Variants in HYDIN observed in about 807,000 individuals in gnomAD.
The protein encoded by HYDIN is HYDIN axonemal central pair apparatus protein.
Under a neutral mutation model 403.9 loss-of-function variants are expected in HYDIN, and 132 were observed. The observed-to-expected ratio is 0.33, with a 90% CI of 0.28 to 0.38. The LOEUF (loss-of-function observed/expected upper bound fraction) is 0.38. Among genes scored for constraint, HYDIN ranks in the 10% least tolerant of loss-of-function variants. The pLI, the probability that HYDIN is intolerant of heterozygous loss-of-function variation, is 1.00. For missense variants in HYDIN, 2,827 were observed against 5,009.5 expected (o/e 0.56, Z 13.15); for synonymous variants, 1,202 against 1,891.7 (o/e 0.64, Z 9.46).
At chr16:71,170,987 T>G (rs959570105) in intron 5 of HYDIN, among the ~76,000 whole-genome samples, 1 of 152,168 alleles carries the variant, frequency 6.6e-6, no homozygotes, top group African/African-American at 2.4e-5. Context: ...AAAGAAAGCC[T>G]TCCATAATAA....
At chr16:71,118,439 T>C (rs2144479123) in intron 9 of HYDIN, among the ~76,000 whole-genome samples, 1 of 150,738 alleles carries the variant, frequency 6.6e-6, no homozygotes, top group South Asian at 2.1e-4. Context: ...TCATGGCTCT[T>C]AGTAGGTGCT....
chr16:70,847,933 T>C (rs1489520671), intron 75 of HYDIN, among the ~76,000 whole-genome samples: 1 of 150,084 alleles, frequency 6.7e-6, no homozygotes, highest in Non-Finnish European at 1.5e-5. Flanking sequence ...TGCTTGATAA[T>C]CTCTTATGGG....
At chr16:70,922,714 T>C (rs1377361644) in intron 45 of HYDIN, among the ~76,000 whole-genome samples, 1 of 151,256 alleles carries the variant, frequency 6.6e-6, no homozygotes, top group African/African-American at 2.4e-5. Flanking sequence ...ATGAAAACAC[T>C]GAATATCAAC....
chr16:70,892,551 T>C, intron 55 of HYDIN, 22 bp from the exon 56 acceptor site: 4 of 1,595,130 alleles, frequency 2.5e-6, no homozygotes, highest in Non-Finnish European at 3.4e-6. Flanking sequence ...GAATAAGAAG[T>C]CAGCCTAGGT....
At position 70,954,686 on chromosome 16, in the gene HYDIN, G is replaced by C. The variant is rs147970579; in HGVS notation, c.6316+689C>G. Among the ~76,000 whole-genome samples, 1,453 of 152,234 alleles carry C rather than the reference G, an allele frequency of 9.5e-3. 26 individuals carry two copies. The highest frequency in any genetic ancestry group is 0.033 in the African/African-American group (1,356 of 41,534). On this transcript the variant is annotated intron_variant, in intron 40 of 85. Transcript: ENST00000393567. The stretch of plus-strand genomic sequence containing the variant: ...GCTGGCTGTCGGGTTGGCCGGCCCA[G>C]GCCCATTTGTCTGCAGCTTCACTAT...
chr16:71,187,832 G>A (rs1365963584), intron 1 of HYDIN, among the ~76,000 whole-genome samples: 1 of 152,082 alleles, frequency 6.6e-6, no homozygotes, highest in Non-Finnish European at 1.5e-5. Context: ...AAGGAAAAAG[G>A]GGTCATTATG....
intron 10 of HYDIN, among the ~76,000 whole-genome samples, chr16:71,107,906 C>T (rs1395540050): frequency 3.9e-5 from 6 of 151,962 alleles, no homozygotes; most frequent in African/African-American, 4.8e-5. Context: ...ATAGCAAAGA[C>T]GGAATCAACT....
chr16:71,226,813 G>C (rs928851388), intron 1 of HYDIN, among the ~76,000 whole-genome samples: 5 of 152,146 alleles, frequency 3.3e-5, no homozygotes, highest in African/African-American at 1.2e-4. Context: ...CAGACAGTGA[G>C]AGACCAGATT....
rs2086396212 is a variant in HYDIN, at chr16:71,169,958, C to T, written c.516+5649G>A. 2.6e-5 allele frequency among the ~76,000 whole-genome samples: 4 copies of T among 152,090 alleles called. No individual in the cohort carries two copies. The South Asian group carries it at 8.3e-4, about 32-fold the overall frequency. ...AAATATATACAATTTTTGTCAATTA[C>T]AAATAATTATTTTTTTAAATTGTGG... is the stretch of plus-strand genomic sequence containing the variant. On this transcript the variant is annotated intron_variant, in intron 5 of 85. Coordinates refer to ENST00000393567, the MANE Select transcript of HYDIN (RefSeq NM_001270974.2).
At chr16:71,218,635 G>C (rs566197389) in intron 1 of HYDIN, among the ~76,000 whole-genome samples, 2 of 152,188 alleles carry the variant, frequency 1.3e-5, no homozygotes, top group African/African-American at 4.8e-5. Flanking sequence ...TATTGTGAAA[G>C]AGTATGTTGC....
chr16:71,087,093 A>C (rs1054612939), intron 12 of HYDIN, among the ~76,000 whole-genome samples: 5 of 151,886 alleles, frequency 3.3e-5, no homozygotes, highest in African/African-American at 1.2e-4. Flanking sequence ...ATGTCTTGTG[A>C]ATGTTTCAGA....
intron 53 of HYDIN, among the ~76,000 whole-genome samples, chr16:70,898,764 G>C (rs2076278433): frequency 6.7e-6 from 1 of 149,696 alleles, no homozygotes; most frequent in African/African-American, 2.5e-5. Context: ...TTTTTTTTGA[G>C]ACAGAGTCTT....
chr16:71,157,824 C>T (rs958430641), intron 6 of HYDIN, among the ~76,000 whole-genome samples: 5 of 141,652 alleles, frequency 3.5e-5, no homozygotes, highest in Non-Finnish European at 7.6e-5. Context: ...TTCATAACAG[C>T]GGTAAGCTTT....
intron 18 of HYDIN, among the ~76,000 whole-genome samples, chr16:71,032,702 G>A (rs55859740): frequency 0.18 from 15,697 of 86,196 alleles, 1,197 homozygotes; most frequent in Non-Finnish European, 0.26. Flanking sequence ...TAACACAGTA[G>A]TATTTGTATT....
intron 38 of HYDIN, among the ~76,000 whole-genome samples, chr16:70,960,277 C>T (rs1042348105): frequency 6.6e-6 from 1 of 151,500 alleles, no homozygotes; most frequent in African/African-American, 2.4e-5. Flanking sequence ...ATCTGTCCTG[C>T]TGCTTGTTTT....
chr16:70,803,721 C>G lies in HYDIN; in HGVS notation c.*3859G>C, dbSNP rs2034990532. On this transcript the variant is annotated 3_prime_UTR_variant, in exon 86 of 86. Coordinates refer to ENST00000393567, the MANE Select transcript of HYDIN (RefSeq NM_001270974.2). Reference sequence around the variant, plus strand: ...AATTGTAGCTGGAGTTTCAGGGCAACAGGGTTTAAGGTATTAGGTAGAGGT... The same window carrying G: ...AATTGTAGCTGGAGTTTCAGGGCAAGAGGGTTTAAGGTATTAGGTAGAGGT... 6.6e-6 allele frequency among the ~76,000 whole-genome samples: 1 copy of G among 152,196 alleles called. No homozygotes were observed. Among genetic ancestry groups the G allele is most frequent in the Non-Finnish European group, 1.5e-5 (1 of 68,028 alleles).
At chr16:70,917,026 G>T (rs546558206) in intron 47 of HYDIN, among the ~76,000 whole-genome samples, 2 of 151,916 alleles carry the variant, frequency 1.3e-5, no homozygotes, top group Non-Finnish European at 2.9e-5. Context: ...GGGCTCAAGC[G>T]ATCCTCCCAC....
At chr16:71,163,153 C>T (rs1276348553) in intron 5 of HYDIN, among the ~76,000 whole-genome samples, 8 of 141,052 alleles carry the variant, frequency 5.7e-5, no homozygotes, top group East Asian at 2.1e-4. Context: ...GACAGAGTCT[C>T]GCTCTGTCGC....
Position 70,818,500 on chromosome 16 carries a change from T to G in HYDIN, c.14500A>C (p.Ile4834Leu). The change falls in exon 84 of 86, where the codon ATC (isoleucine) becomes CTC (leucine). Residue 4834 changes from isoleucine (I) to leucine (L), a missense_variant. By Grantham distance (5) the Ile-to-Leu change is conservative (BLOSUM62 2). Coordinates refer to ENST00000393567, the MANE Select transcript of HYDIN (RefSeq NM_001270974.2). Reference sequence around the variant, plus strand: ...GTCACCATCTCGATGGTTTTGATGATGCCTGAAGGGATGACCCTGAAACTC... The same window carrying G: ...GTCACCATCTCGATGGTTTTGATGAGGCCTGAAGGGATGACCCTGAAACTC... ...NVSFRVIPSGIIKTIEMVTPV... is the reference protein window; with the variant it reads ...NVSFRVIPSGLIKTIEMVTPV... 2.1e-6 allele frequency: 3 copies of G among 1,456,896 alleles called. No homozygotes were observed. Among genetic ancestry groups the G allele is most frequent in the Non-Finnish European group, 2.8e-6 (3 of 1,054,210 alleles). The allele number at this position is 1,456,896 out of a possible 1,614,324, so 90.2% of individuals were successfully genotyped here. A position where few individuals can be genotyped will look rare whatever the true frequency, so the allele number is the denominator to read the frequency against.
Sources: gnomAD v4.1 joint callset for allele counts (sites outside exome capture counted in the v4.1 genomes callset) on GRCh38, gnomAD v4.1.1 for gene constraint, MANE v1.5 for transcripts, NCBI Gene and HGNC (gene_info 2026-07-23, HGNC 2026-07-21) for gene names.